Variants in TOMM20 observed in about 807,000 individuals in gnomAD.
The protein encoded by TOMM20 is mitochondrial import receptor subunit TOM20 homolog.
In TOMM20, 10 loss-of-function variants were observed where a neutral mutation model predicts 22.1. The ratio of observed to expected loss-of-function variants is 0.45; its 90% CI spans 0.28 to 0.77. The LOEUF (loss-of-function observed/expected upper bound fraction) is 0.77, where lower values mean the gene tolerates loss of function less well. TOMM20 is among the 30% of genes least tolerant of loss of function. The pLI is 0.13. For synonymous variants in TOMM20, 55 were observed against 61.4 expected (o/e 0.90, Z 0.49); for missense variants, 121 against 172.2 (o/e 0.70, Z 1.66).
At chr1:235,127,921 A>T (rs1205944638) in intron 1 of TOMM20, 2 of 518,924 alleles carry the variant, frequency 3.9e-6, no homozygotes, top group Admixed American at 1.9e-5. Flanking sequence ...AGCTACCAAG[A>T]GGGTTTAAGA....
chr1:235,115,085 C>T lies in TOMM20; in HGVS notation c.251-1175G>A, dbSNP rs1030262797. The stretch of plus-strand genomic sequence containing the variant: ...AGAAACGGGGTCTCACTATGTTGCT[C>T]AGCCTGGTCTCAAACTCCTGGACTC... On this transcript the variant is annotated intron_variant, in intron 3 of 4. Coordinates refer to ENST00000366607, the MANE Select transcript of TOMM20 (RefSeq NM_014765.3). 5.9e-5 allele frequency among the ~76,000 whole-genome samples: 9 copies of T among 151,746 alleles called. No individual in the cohort carries two copies. In the South Asian group the frequency reaches 1.0e-3, roughly 18 times the overall value.
At chr1:235,127,510 G>C (rs2102814563) in intron 1 of TOMM20, among the ~76,000 whole-genome samples, 1 of 152,306 alleles carries the variant, frequency 6.6e-6, no homozygotes, top group East Asian at 1.9e-4. Flanking sequence ...TGCAGTCACT[G>C]CTCACACAGG....
intron 1 of TOMM20, among the ~76,000 whole-genome samples, chr1:235,125,376 G>A (rs972524012): frequency 3.0e-4 from 45 of 152,110 alleles, no homozygotes; most frequent in African/African-American, 9.9e-4. Flanking sequence ...CACCATGCCC[G>A]GCTAAGTTTT....
intron 3 of TOMM20, among the ~76,000 whole-genome samples, chr1:235,116,172 C>T (rs374002966): frequency 1.4e-4 from 22 of 151,810 alleles, no homozygotes; most frequent in African/African-American, 4.4e-4. Context: ...TTAGGGAGGC[C>T]GAGGTGGGTG....
chr1:235,123,420 G>A (rs1014207917), intron 1 of TOMM20, among the ~76,000 whole-genome samples: 1 of 152,182 alleles, frequency 6.6e-6, no homozygotes, highest in African/African-American at 2.4e-5. Context: ...GGGAGGCGGA[G>A]GTTGCAGTGA....
In TOMM20 at chr1:235,128,721, C is replaced by T; in HGVS notation, c.-6G>A. 1 of 1,613,930 alleles carries T rather than the reference C, an allele frequency of 6.2e-7. No homozygotes were observed. Among genetic ancestry groups the T allele is most frequent in the Non-Finnish European group, 8.5e-7 (1 of 1,179,914 alleles). ...GCGCTGTTCCGACCCACCATCTTCT[C>T]TACAACGCTGAGCGTGGACGGTGGC... On this transcript the variant is annotated 5_prime_UTR_variant, in exon 1 of 5. Coordinates refer to ENST00000366607, the MANE Select transcript of TOMM20 (RefSeq NM_014765.3).
Position 235,123,873 on chromosome 1 carries a change from G to A in TOMM20, c.122-1501C>T, listed in dbSNP as rs79941345. On this transcript the variant is annotated intron_variant, in intron 1 of 4. Transcript: ENST00000366607. ...CAACAATATCTAATTGCTAAATATCGTGGTCTACACTGGAACCTGTACTGG... is the reference window on the plus strand; with the variant it reads ...CAACAATATCTAATTGCTAAATATCATGGTCTACACTGGAACCTGTACTGG... 8.0e-3 allele frequency among the ~76,000 whole-genome samples: 1,224 copies of A among 152,266 alleles called. 17 individuals carry two copies. The highest frequency in any genetic ancestry group is 0.028 in the African/African-American group (1,161 of 41,548).
At chr1:235,121,355 A>C (rs901343583) in intron 2 of TOMM20, among the ~76,000 whole-genome samples, 13 of 152,358 alleles carry the variant, frequency 8.5e-5, no homozygotes, top group African/African-American at 2.6e-4. Context: ...AGCATGTAGC[A>C]ATAATTTAAT....
intron 1 of TOMM20, among the ~76,000 whole-genome samples, chr1:235,126,965 T>A (rs1344277281): frequency 1.3e-5 from 2 of 152,206 alleles, no homozygotes; most frequent in African/African-American, 4.8e-5. Context: ...ATCATTAGGT[T>A]GCCGCTAAAT....
Position 235,128,609 on chromosome 1 carries a change from T to C in TOMM20, c.107A>G (p.Asn36Ser). The change falls in exon 1 of 5, where the codon AAC (asparagine) becomes AGC (serine). Residue 36 changes from asparagine (N) to serine (S), a missense_variant. By Grantham distance (46) the Asn-to-Ser change is conservative. Coordinates refer to ENST00000366607, the MANE Select transcript of TOMM20 (RefSeq NM_014765.3). ...RKRRSDPNFK[N>S]RLRERRKKQK... ...GACCCACTCACGTTCTCGAAGCCTG[T>C]TCTTGAAGTTGGGGTCACTTCGTCT... 6.2e-7 allele frequency: 1 copy of C among 1,612,890 alleles called. No homozygotes were observed. The highest frequency in any genetic ancestry group is 8.5e-7 in the Non-Finnish European group (1 of 1,179,930).
At chr1:235,124,478 C>T (rs1660979946) in intron 1 of TOMM20, among the ~76,000 whole-genome samples, 1 of 152,236 alleles carries the variant, frequency 6.6e-6, no homozygotes, top group Admixed American at 6.5e-5. Flanking sequence ...TGAAACATGA[C>T]TCTCTTCTGC....
Position 235,112,103 on chromosome 1 carries a change from A to C in TOMM20, c.399T>G (p.Ile133Met). ...LTKLPTISQRIVSAQSLAEDD... is the reference protein window; with the variant it reads ...LTKLPTISQRMVSAQSLAEDD... ...CTTCAGCCAAGCTCTGAGCACTTACAATTCTCTGAAAGAAAAAAAAAATAA... is the reference window on the plus strand; with the variant it reads ...CTTCAGCCAAGCTCTGAGCACTTACCATTCTCTGAAAGAAAAAAAAAATAA... Residue 133 changes from isoleucine to methionine, a missense_variant, in exon 5 of 5, where the codon ATT becomes ATG. Transcript: ENST00000366607. The C allele has an allele frequency of 6.2e-7, 1 of 1,604,840 alleles. No individual in the cohort carries two copies. The highest frequency in any genetic ancestry group is 8.5e-7 in the Non-Finnish European group (1 of 1,176,600).
At chr1:235,112,200 T>C in intron 4 of TOMM20, 92 bp from the exon 5 acceptor site, 6 of 1,035,670 alleles carry the variant, frequency 5.8e-6, no homozygotes, top group Admixed American at 5.4e-5. Context: ...ATTCAAAGAA[T>C]TGAATCTTAG....
At chr1:235,127,155 AT>A (rs1661038519) in intron 1 of TOMM20, among the ~76,000 whole-genome samples, 1 of 152,188 alleles carries the variant, frequency 6.6e-6, no homozygotes. Flanking sequence ...GCTGTCACCC[AT>A]TTTGGCAACT....
At chr1:235,123,031 T>A (rs889772770) in intron 1 of TOMM20, among the ~76,000 whole-genome samples, 3 of 152,208 alleles carry the variant, frequency 2.0e-5, no homozygotes, top group Admixed American at 2.0e-4. Context: ...TACTTATTAT[T>A]AGCTAATACT....
chr1:235,125,463 C>G (rs1264518205), intron 1 of TOMM20, among the ~76,000 whole-genome samples: 1 of 152,108 alleles, frequency 6.6e-6, no homozygotes, highest in African/African-American at 2.4e-5. Context: ...GATCCGCCCG[C>G]CTCGGCCTCC....
chr1:235,123,342 G>A (rs185958154), intron 1 of TOMM20, among the ~76,000 whole-genome samples: 38 of 152,158 alleles, frequency 2.5e-4, no homozygotes, highest in Admixed American at 7.9e-4. Context: ...AAAATTAGCC[G>A]GGCATGGTGG....
intron 2 of TOMM20, among the ~76,000 whole-genome samples, chr1:235,121,077 T>C (rs1660924634): frequency 6.6e-6 from 1 of 151,596 alleles, no homozygotes; most frequent in South Asian, 2.1e-4. Flanking sequence ...CATGCACCTG[T>C]AGTCCCAGCT....
At chr1:235,120,257 TAC>T (rs1293282032) in intron 2 of TOMM20, among the ~76,000 whole-genome samples, 1 of 152,194 alleles carries the variant, frequency 6.6e-6, no homozygotes, top group Non-Finnish European at 1.5e-5. Flanking sequence ...CATTATTTTA[TAC>T]AGATTTTGTT....
Sources: gnomAD v4.1 joint callset for allele counts (sites outside exome capture counted in the v4.1 genomes callset) on GRCh38, gnomAD v4.1.1 for gene constraint, MANE v1.5 for transcripts, NCBI Gene and HGNC (gene_info 2026-07-23, HGNC 2026-07-21) for gene names.